Variants in HDGF observed in about 807,000 individuals in gnomAD.
The protein encoded by HDGF is hepatoma-derived growth factor.
A neutral mutation model predicts 30.0 loss-of-function variants in HDGF; 5 were observed. The ratio of observed to expected loss-of-function variants is 0.17; its 90% confidence interval spans 0.09 to 0.35. The LOEUF (loss-of-function observed/expected upper bound fraction) is 0.35, where lower values mean the gene tolerates loss of function less well. HDGF is among the 10% of genes least tolerant of loss of function. The pLI, the probability that HDGF is intolerant of heterozygous loss-of-function variation, is 1.00. For missense variants in HDGF, 214 were observed against 302.8 expected, an observed-to-expected ratio of 0.71 and a Z score of 2.18; for synonymous variants, 133 against 112.7, an observed-to-expected ratio of 1.18 and a Z score of -1.14.
At position 156,751,433 on chromosome 1, in the gene HDGF, G is replaced by A; in HGVS notation, c.-4C>T. ...TCTGCCGGTTGGATCGCGACATGGCGGGGCTCCGGGCGCCCCGGGCTCCGC... is the reference window on the plus strand; with the variant it reads ...TCTGCCGGTTGGATCGCGACATGGCAGGGCTCCGGGCGCCCCGGGCTCCGC... On this transcript the variant is annotated 5_prime_UTR_variant, in exon 1 of 6. Transcript: ENST00000357325. This position sits in a 1 kb window ranked among gnomAD's most constrained non-coding sequence, Gnocchi z 4.7. 1 of 1,565,208 alleles carries A rather than the reference G, an allele frequency of 6.4e-7. No homozygotes were observed. Among genetic ancestry groups the A allele is most frequent in the Non-Finnish European group, 8.7e-7 (1 of 1,154,636 alleles).
intron 1 of HDGF, among the ~76,000 whole-genome samples, chr1:156,749,051 T>C (rs187196066): frequency 3.6e-4 from 55 of 152,286 alleles, no homozygotes; most frequent in African/African-American, 1.3e-3. Flanking sequence ...CCCAGGAAGT[T>C]AGGCAGGCGG....
intron 3 of HDGF, chr1:156,744,677 C>T (rs1650401414): frequency 1.7e-6 from 1 of 583,198 alleles, no homozygotes; most frequent in Non-Finnish European, 2.7e-6. Flanking sequence ...GCCCGGCTCA[C>T]AAGCACCTCC....
intron 2 of HDGF, among the ~76,000 whole-genome samples, chr1:156,758,175 G>A (rs1156892581): frequency 6.6e-6 from 1 of 152,180 alleles, no homozygotes; most frequent in Non-Finnish European, 1.5e-5. Flanking sequence ...GCGCACATCT[G>A]TAATCCTAGC....
chr1:156,751,879 G>A, upstream of HDGF: 2 of 956,322 alleles, frequency 2.1e-6, no homozygotes, highest in Non-Finnish European at 2.9e-6. The surrounding 1 kb of genome is among the most constrained non-coding windows in gnomAD (Gnocchi z 4.7). Flanking sequence ...GGAGCCGCCT[G>A]ACGGCGCGTG....
intron 1 of HDGF, among the ~76,000 whole-genome samples, chr1:156,766,246 A>G (rs1651373101): frequency 6.6e-6 from 1 of 152,144 alleles, no homozygotes; most frequent in South Asian, 2.1e-4. Flanking sequence ...GTCTCTCTGC[A>G]TTGTGGTCAT....
upstream of HDGF, among the ~76,000 whole-genome samples, chr1:156,754,114 C>T (rs1651111576): frequency 1.3e-5 from 2 of 152,180 alleles, no homozygotes; most frequent in South Asian, 4.1e-4. Flanking sequence ...CGGGGTTTCA[C>T]CATGTTAGTC....
exon 2 of HDGF, chr1:156,759,012 T>G (rs1156375863): frequency 2.0e-5 from 3 of 152,314 alleles, no homozygotes; most frequent in African/African-American, 7.2e-5. Context: ...TGGAGGCTCC[T>G]GGGGAGTTGT....
upstream of HDGF, among the ~76,000 whole-genome samples, chr1:156,755,332 G>A (rs1651137437): frequency 6.6e-6 from 1 of 152,188 alleles, no homozygotes; most frequent in Non-Finnish European, 1.5e-5. Flanking sequence ...GGATCAAGAA[G>A]GAGCTGACAG....
chr1:156,765,145 T>G (rs1651332375), intron 1 of HDGF, among the ~76,000 whole-genome samples: 1 of 142,288 alleles, frequency 7.0e-6, no homozygotes, highest in South Asian at 2.5e-4. Context: ...CAGGCTGGAG[T>G]GCAATGGCGT....
rs1467809252 is a variant in HDGF, at chr1:156,751,611, G to A, written c.-182C>T. On this transcript the variant is annotated 5_prime_UTR_variant, in exon 1 of 6. Transcript: ENST00000357325. The surrounding 1 kb of genome is among the most constrained non-coding windows in gnomAD (Gnocchi z 4.7). ...TCCGCCCGCGCGCCGCACGGACGGG[G>A]CGGGCGCGGATCGGGGCAAGGCTCC... 1 of 984,620 alleles carries A rather than the reference G, an allele frequency of 1.0e-6. No homozygotes were observed. The highest frequency in any genetic ancestry group is 1.2e-6 in the Non-Finnish European group (1 of 830,324). The allele number at this position is 984,620 out of a possible 1,614,324, so 61.0% of individuals were successfully genotyped here.
rs1421246612 is a variant in HDGF, at chr1:156,744,380, C to A, written c.304-32G>T. On this transcript the variant is annotated intron_variant, in intron 3 of 5. Transcript: ENST00000357325. ...CAGAGACAGCACAGGCTGAGTGGCA[C>A]CAGTCGCTGCCATGCTGGGCCCCCT... The A allele has an allele frequency of 2.5e-6, 4 of 1,610,708 alleles. No individual in the cohort carries two copies. The African/African-American group carries it at 5.3e-5, about 22-fold the overall frequency.
At chr1:156,750,900 G>A (rs1180262548) in intron 1 of HDGF, among the ~76,000 whole-genome samples, 1 of 152,050 alleles carries the variant, frequency 6.6e-6, no homozygotes, top group African/African-American at 2.4e-5. Context: ...GTTTGAATTA[G>A]GGGCGACAAT....
At chr1:156,764,899 A>AAG (rs1558041089) in intron 1 of HDGF, among the ~76,000 whole-genome samples, 2 of 151,806 alleles carry the variant, frequency 1.3e-5, no homozygotes, top group African/African-American at 4.8e-5. Flanking sequence ...AAAAAAAAAA[A>AAG]AAGAAGAAGA....
upstream of HDGF, chr1:156,752,040 C>T (rs1262470745): frequency 6.4e-7 from 1 of 1,551,226 alleles, no homozygotes. Flanking sequence ...GCGCTCACCA[C>T]CGCGGCCCCA....
chr1:156,764,534 C>A (rs1223999872), intron 1 of HDGF, among the ~76,000 whole-genome samples: 2 of 152,186 alleles, frequency 1.3e-5, no homozygotes, highest in Admixed American at 1.3e-4. Context: ...TAAAAGGGTA[C>A]ATAATGAGAA....
At chr1:156,752,092 C>A, upstream of HDGF, 1 of 1,551,564 alleles carries the variant, frequency 6.4e-7, no homozygotes, top group Non-Finnish European at 8.7e-7. Flanking sequence ...TTCCGCCTGC[C>A]CTCTGCTCCA....
chr1:156,756,626 G>C (rs866756520), upstream of HDGF, among the ~76,000 whole-genome samples: 1 of 152,148 alleles, frequency 6.6e-6, no homozygotes, highest in Non-Finnish European at 1.5e-5. Context: ...TATGTAAAAT[G>C]CTTGGAGCAG....
chr1:156,763,836 C>T (rs1423844065), intron 1 of HDGF, among the ~76,000 whole-genome samples: 1 of 152,128 alleles, frequency 6.6e-6, no homozygotes, highest in African/African-American at 2.4e-5. Context: ...AATCCACCTG[C>T]CTTGGCCTCC....
At chr1:156,746,610 G>A (rs1228450242) in intron 1 of HDGF, among the ~76,000 whole-genome samples, 3 of 152,202 alleles carry the variant, frequency 2.0e-5, no homozygotes, top group African/African-American at 7.2e-5. Flanking sequence ...GGTGAGAGGT[G>A]CAGAAATCTG....
Sources: allele counts gnomAD v4.1 joint callset (sites outside exome capture counted in the v4.1 genomes callset), GRCh38; gene constraint gnomAD v4.1.1; non-coding constraint Gnocchi (gnomAD v3.1); transcripts MANE v1.5; gene names NCBI Gene and HGNC (gene_info 2026-07-23, HGNC 2026-07-21).